Variants in XYLT1 observed in about 807,000 individuals in gnomAD.
XYLT1 encodes beta-D-xylosyltransferase 1.
Under a neutral mutation model 91.3 loss-of-function variants are expected in XYLT1, and 36 were observed. The observed-to-expected ratio is 0.39, with a 90% CI of 0.30 to 0.52. The LOEUF is 0.52. Ranked by LOEUF, XYLT1 falls within the 20% of genes least tolerant of loss-of-function variation. XYLT1 has a pLI of 0.68. For synonymous variants in XYLT1, 588 were observed against 532.0 expected (o/e 1.11, Z -1.45); for missense variants, 1,242 against 1,284.5 (o/e 0.97, Z 0.51).
intron 1 of XYLT1, among the ~76,000 whole-genome samples, chr16:17,388,698 C>G (rs898169289): frequency 2.0e-5 from 3 of 152,150 alleles, no homozygotes; most frequent in Non-Finnish European, 4.4e-5. Context: ...CCTGAAGCAT[C>G]TCAAAGGCTA....
At chr16:17,286,418 C>A (rs986841849) in intron 2 of XYLT1, among the ~76,000 whole-genome samples, 4 of 152,156 alleles carry the variant, frequency 2.6e-5, no homozygotes, top group Non-Finnish European at 5.9e-5. Flanking sequence ...ACTGACTCAC[C>A]AATATAAAGA....
intron 2 of XYLT1, among the ~76,000 whole-genome samples, chr16:17,268,667 C>A (rs1390350660): frequency 7.2e-6 from 1 of 138,072 alleles, no homozygotes; most frequent in Non-Finnish European, 1.6e-5. Context: ...GTGATAAATA[C>A]TTTTTTTTTT....
At chr16:17,415,296 G>C (rs1403640512) in intron 1 of XYLT1, among the ~76,000 whole-genome samples, 1 of 152,184 alleles carries the variant, frequency 6.6e-6, no homozygotes, top group Non-Finnish European at 1.5e-5. Context: ...CGAAGAGCTG[G>C]TGCAGGAGTT....
At chr16:17,217,787 G>A (rs1427294296) in intron 3 of XYLT1, among the ~76,000 whole-genome samples, 2 of 152,100 alleles carry the variant, frequency 1.3e-5, no homozygotes, top group Non-Finnish European at 2.9e-5. Context: ...GATGGGGCCA[G>A]GTGATCTGAT....
At chr16:17,227,527 G>C (rs1453056314) in intron 3 of XYLT1, 2 of 152,402 alleles carry the variant, frequency 1.3e-5, no homozygotes, top group East Asian at 3.9e-4. Flanking sequence ...TAGCAAAGCT[G>C]AGTCCAAATC....
At chr16:17,161,539 G>T (rs555851677) in intron 5 of XYLT1, among the ~76,000 whole-genome samples, 6 of 152,310 alleles carry the variant, frequency 3.9e-5, no homozygotes, top group African/African-American at 1.4e-4. Flanking sequence ...AAGGGAGATG[G>T]AATTTGGCTG....
At chr16:17,207,546 G>T (rs927732685) in intron 3 of XYLT1, among the ~76,000 whole-genome samples, 68 of 152,304 alleles carry the variant, frequency 4.5e-4, no homozygotes, top group Middle Eastern at 3.4e-3. Flanking sequence ...GGGTCCCGGT[G>T]GTGGGGATGA....
At chr16:17,129,513 G>A (rs989014384) in intron 9 of XYLT1, among the ~76,000 whole-genome samples, 4 of 152,120 alleles carry the variant, frequency 2.6e-5, no homozygotes, top group East Asian at 3.9e-4. Flanking sequence ...TGATCCGCCC[G>A]CCTCGGCCTC....
At chr16:17,408,303 G>A (rs188965358) in intron 1 of XYLT1, among the ~76,000 whole-genome samples, 2 of 152,292 alleles carry the variant, frequency 1.3e-5, no homozygotes, top group Non-Finnish European at 2.9e-5. Flanking sequence ...CATTGAGTGT[G>A]AACATATTAT....
chr16:17,132,420 CAGGGAGAGAACA>C (rs2030518132), intron 9 of XYLT1, among the ~76,000 whole-genome samples: 1 of 152,128 alleles, frequency 6.6e-6, no homozygotes, highest in Non-Finnish European at 1.5e-5. Flanking sequence ...AAAGAAAATA[CAGGGAGAGAACA>C]AGGAATTGTT....
chr16:17,131,160 A>T (rs2030456166), intron 9 of XYLT1, among the ~76,000 whole-genome samples: 1 of 152,186 alleles, frequency 6.6e-6, no homozygotes, highest in South Asian at 2.1e-4. Flanking sequence ...TTATTGAAGG[A>T]GTGAAAATTC....
chr16:17,418,034 T>C (rs2036202181), intron 1 of XYLT1, among the ~76,000 whole-genome samples: 1 of 152,114 alleles, frequency 6.6e-6, no homozygotes, highest in Non-Finnish European at 1.5e-5. Flanking sequence ...CTTCAGATGA[T>C]CACAGCCCAC....
At chr16:17,350,677 C>T (rs978635877) in intron 2 of XYLT1, among the ~76,000 whole-genome samples, 4 of 152,140 alleles carry the variant, frequency 2.6e-5, no homozygotes, top group African/African-American at 7.2e-5. Context: ...TTTAGTCTCA[C>T]CATCCTCTCA....
intron 1 of XYLT1, among the ~76,000 whole-genome samples, chr16:17,398,034 G>C (rs999641257): frequency 2.0e-5 from 3 of 151,988 alleles, no homozygotes; most frequent in South Asian, 2.1e-4. Context: ...TGTTGGTCAG[G>C]CTGGCTCAAA....
chr16:17,229,949 T>C (rs1166734746), intron 3 of XYLT1, among the ~76,000 whole-genome samples: 1 of 152,172 alleles, frequency 6.6e-6, no homozygotes, highest in South Asian at 2.1e-4. Context: ...CCTAAGGCCA[T>C]GTGAAGACAT....
chr16:17,166,638 A>C lies in XYLT1; in HGVS notation c.1290-7729T>G, dbSNP rs186413553. On this transcript the variant is annotated intron_variant, in intron 5 of 11. Coordinates refer to ENST00000261381, the MANE Select transcript of XYLT1 (RefSeq NM_022166.4). ...GAGATTCTCCTGCTTCAGCCTCTTG[A>C]GTAGCTGGAATTATAGGCGTGCACC... Among the ~76,000 whole-genome samples, 4 of 151,090 alleles carry C rather than the reference A, an allele frequency of 2.6e-5. No homozygotes were observed. The East Asian group carries it at 7.8e-4, about 30-fold the overall frequency.
intron 5 of XYLT1, among the ~76,000 whole-genome samples, chr16:17,168,861 G>A (rs1200953474): frequency 6.6e-6 from 1 of 152,094 alleles, no homozygotes; most frequent in East Asian, 1.9e-4. Context: ...CTTTGACTCA[G>A]TACCTTCAGC....
intron 1 of XYLT1, among the ~76,000 whole-genome samples, chr16:17,461,180 G>A (rs1041295583): frequency 2.6e-5 from 4 of 152,214 alleles, no homozygotes; most frequent in East Asian, 3.9e-4. Flanking sequence ...TGGGCCCCAT[G>A]AGCAGAGCAG....
chr16:17,324,553 C>T (rs565476094), intron 2 of XYLT1, among the ~76,000 whole-genome samples: 27 of 152,286 alleles, frequency 1.8e-4, no homozygotes, highest in African/African-American at 5.5e-4. Flanking sequence ...ATGCCATGTC[C>T]GGTTACTATA....
Sources: allele counts gnomAD v4.1 joint callset (sites outside exome capture counted in the v4.1 genomes callset), GRCh38; gene constraint gnomAD v4.1.1; transcripts MANE v1.5; gene names NCBI Gene and HGNC (gene_info 2026-07-23, HGNC 2026-07-21).